RBFOX1: variants seen among roughly 807,000 people sequenced by gnomAD.
RBFOX1 encodes RNA binding fox-1 homolog 1.
RBFOX1 carries 8 observed loss-of-function variants against 57.7 expected under a neutral mutation model. The ratio of observed to expected loss-of-function variants is 0.14; its 90% CI spans 0.08 to 0.25. The LOEUF is 0.25. RBFOX1 is among the 10% of genes least tolerant of loss of function. The pLI, the probability that RBFOX1 is intolerant of heterozygous loss-of-function variation, is 1.00. For synonymous variants in RBFOX1, 326 were observed against 222.4 expected, an observed-to-expected ratio of 1.47 and a Z score of -4.15; for missense variants, 611 against 548.5, an observed-to-expected ratio of 1.11 and a Z score of -1.14.
chr16:6,210,878 A>G (rs2097292185), intron 1 of RBFOX1, among the ~76,000 whole-genome samples: 1 of 152,208 alleles, frequency 6.6e-6, no homozygotes. Flanking sequence ...TAGAGGTGTC[A>G]GCTCAGCTGA....
chr16:5,280,412 C>T (rs1461995235), intron 1 of RBFOX1, among the ~76,000 whole-genome samples: 4 of 152,026 alleles, frequency 2.6e-5, no homozygotes, highest in African/African-American at 9.7e-5. Flanking sequence ...TTGTTGTGTC[C>T]TTGTCTTGAT....
At chr16:7,228,227 TTGAATGAA>T (rs58948380) in intron 4 of RBFOX1, among the ~76,000 whole-genome samples, 2 of 151,990 alleles carry the variant, frequency 1.3e-5, no homozygotes, top group Non-Finnish European at 2.9e-5. Flanking sequence ...TACATATTTG[TTGAATGAA>T]TGAATGAATG....
At chr16:6,679,884 T>TTTTTG (rs1189847170) in intron 3 of RBFOX1, among the ~76,000 whole-genome samples, 1 of 19,624 alleles carries the variant, frequency 5.1e-5, no homozygotes, top group African/African-American at 7.7e-5. Context: ...ACTTGTTTTT[T>TTTTTG]TTTTTTTTTT....
intron 2 of RBFOX1, among the ~76,000 whole-genome samples, chr16:6,342,169 A>C (rs1048501127): frequency 1.3e-5 from 2 of 152,184 alleles, no homozygotes; most frequent in African/African-American, 4.8e-5. Context: ...TGCATTTCAA[A>C]GGATCACTCT....
intron 1 of RBFOX1, among the ~76,000 whole-genome samples, chr16:6,282,287 C>T (rs1176269484): frequency 6.6e-6 from 1 of 151,164 alleles, no homozygotes; most frequent in African/African-American, 2.4e-5. Context: ...TTTTTGTCTC[C>T]TTTTCTGAAC....
intron 1 of RBFOX1, among the ~76,000 whole-genome samples, chr16:6,181,433 T>G (rs968538718): frequency 6.6e-6 from 1 of 152,196 alleles, no homozygotes; most frequent in African/African-American, 2.4e-5. Context: ...TTTAGAGTGC[T>G]GAAATTTTGG....
At chr16:6,371,842 T>G (rs184312216) in intron 2 of RBFOX1, among the ~76,000 whole-genome samples, 15 of 152,340 alleles carry the variant, frequency 9.8e-5, no homozygotes, top group Non-Finnish European at 1.0e-4. Flanking sequence ...ACAGGATACA[T>G]TATCTAGGTT....
chr16:6,781,627 C>G (rs968912232), intron 3 of RBFOX1, among the ~76,000 whole-genome samples: 17 of 152,000 alleles, frequency 1.1e-4, no homozygotes, highest in Admixed American at 3.3e-4. Context: ...TCCATGTTTA[C>G]TATTATTTCA....
intron 13 of RBFOX1, among the ~76,000 whole-genome samples, chr16:7,668,845 G>T (rs1055480750): frequency 2.6e-5 from 4 of 152,208 alleles, no homozygotes; most frequent in Non-Finnish European, 5.9e-5. Flanking sequence ...TATACAAACA[G>T]AGTTGCAATG....
At chr16:6,576,188 T>A (rs530148544) in intron 2 of RBFOX1, among the ~76,000 whole-genome samples, 1 of 152,294 alleles carries the variant, frequency 6.6e-6, no homozygotes, top group East Asian at 1.9e-4. Context: ...AACCTGCTTA[T>A]TCCAGTTCAG....
At chr16:6,599,642 C>G (rs1374694434) in intron 2 of RBFOX1, among the ~76,000 whole-genome samples, 3 of 152,146 alleles carry the variant, frequency 2.0e-5, no homozygotes, top group African/African-American at 7.2e-5. Context: ...ACTAGTGACA[C>G]TAATACTATT....
intron 1 of RBFOX1, among the ~76,000 whole-genome samples, chr16:6,223,114 G>C (rs1399943521): frequency 6.7e-6 from 1 of 148,714 alleles, no homozygotes; most frequent in Admixed American, 6.8e-5. Flanking sequence ...TGTACATTTG[G>C]GTTGGTTCCA....
chr16:7,537,120 C>G (rs1385392220), intron 5 of RBFOX1, among the ~76,000 whole-genome samples: 1 of 152,140 alleles, frequency 6.6e-6, no homozygotes, highest in East Asian at 1.9e-4. Flanking sequence ...AATGATCTGA[C>G]CACCATGTGG....
At chr16:7,315,457 C>CA (rs2096414742) in intron 4 of RBFOX1, among the ~76,000 whole-genome samples, 1 of 61,260 alleles carries the variant, frequency 1.6e-5, no homozygotes, top group African/African-American at 1.3e-4. Flanking sequence ...CTCTACCCTA[C>CA]CCCCCCCCCC....
At chr16:5,374,944 C>G (rs1236597895) in intron 1 of RBFOX1, among the ~76,000 whole-genome samples, 2 of 151,774 alleles carry the variant, frequency 1.3e-5, no homozygotes, top group African/African-American at 4.8e-5. Flanking sequence ...ATCCAGCCTT[C>G]TAAAGAAAAT....
At chr16:6,312,608 T>A (rs1475538709) in intron 1 of RBFOX1, among the ~76,000 whole-genome samples, 1 of 152,002 alleles carries the variant, frequency 6.6e-6, no homozygotes, top group Non-Finnish European at 1.5e-5. Context: ...GGAGGCTGAG[T>A]GTGTCTAAAA....
At chr16:6,242,665 T>C (rs1437782246) in intron 1 of RBFOX1, among the ~76,000 whole-genome samples, 4 of 72,084 alleles carry the variant, frequency 5.5e-5, no homozygotes, top group South Asian at 4.3e-4. Context: ...CACACACACA[T>C]TCCTTAAAAT....
intron 4 of RBFOX1, among the ~76,000 whole-genome samples, chr16:7,326,155 C>T (rs1371288650): frequency 1.3e-5 from 2 of 152,208 alleles, no homozygotes; most frequent in Non-Finnish European, 2.9e-5. Context: ...TGAGCAACTA[C>T]TCTGTGCCCA....
At chr16:7,489,562 C>G (rs1050207520) in intron 4 of RBFOX1, among the ~76,000 whole-genome samples, 2 of 151,976 alleles carry the variant, frequency 1.3e-5, no homozygotes, top group African/African-American at 4.8e-5. Context: ...GCTGCCCAGG[C>G]TGGAATGCGG....
Sources: allele counts gnomAD v4.1 joint callset (sites outside exome capture counted in the v4.1 genomes callset), GRCh38; gene constraint gnomAD v4.1.1; transcripts MANE v1.5; gene names NCBI Gene and HGNC (gene_info 2026-07-23, HGNC 2026-07-21).